Variants in ANK3 observed in about 807,000 individuals in gnomAD.
The protein encoded by ANK3 is ankyrin 3.
In ANK3, 57 loss-of-function variants were observed where a neutral mutation model predicts 370.9. The ratio of observed to expected loss-of-function variants is 0.15; its 90% CI spans 0.12 to 0.19. The LOEUF (loss-of-function observed/expected upper bound fraction) is 0.19. Among genes scored for constraint, ANK3 ranks in the 10% least tolerant of loss-of-function variants. The probability of loss-of-function intolerance (pLI) is 1.00; values close to 1 mark genes in which losing one functional copy is unlikely to be tolerated. For synonymous variants in ANK3, 1,929 were observed against 1,946.3 expected, an observed-to-expected ratio of 0.99 and a Z score of 0.23; for missense variants, 4,439 against 5,302.1, an observed-to-expected ratio of 0.84 and a Z score of 5.06.
intron 21 of ANK3, among the ~76,000 whole-genome samples, chr10:60,171,167 G>A (rs1219150713): frequency 6.6e-6 from 1 of 152,156 alleles, no homozygotes; most frequent in Non-Finnish European, 1.5e-5. Flanking sequence ...AAAGCAACAT[G>A]TGGAAATTTC....
chr10:60,325,122 G>A (rs1470383631), intron 1 of ANK3, among the ~76,000 whole-genome samples: 3 of 152,166 alleles, frequency 2.0e-5, no homozygotes, highest in Non-Finnish European at 4.4e-5. Context: ...GAATCTTAAT[G>A]ACAGCAACAA....
chr10:60,636,287 A>T (rs542505129), intron 1 of ANK3, among the ~76,000 whole-genome samples: 2 of 152,284 alleles, frequency 1.3e-5, no homozygotes, highest in Admixed American at 1.3e-4. Flanking sequence ...CTAATCGTGA[A>T]TATAGAGGCC....
intron 1 of ANK3, among the ~76,000 whole-genome samples, chr10:60,360,289 AG>A (rs1254956744): frequency 6.6e-6 from 1 of 152,240 alleles, no homozygotes. Flanking sequence ...CTTTTATTCC[AG>A]GGAGCTAAAA....
chr10:60,415,101 G>C (rs1008229039), intron 2 of ANK3, among the ~76,000 whole-genome samples: 2 of 152,104 alleles, frequency 1.3e-5, no homozygotes, highest in Admixed American at 6.6e-5. Context: ...AAACCAGATT[G>C]TATTGTCAGC....
intron 16 of ANK3, 39 bp from the exon 17 acceptor site, chr10:60,186,951 A>T: frequency 6.3e-7 from 1 of 1,591,848 alleles, no homozygotes. Flanking sequence ...CCCAGGAACA[A>T]GATAAAAATG....
At chr10:60,197,804 T>C (rs2096610920) in intron 14 of ANK3, among the ~76,000 whole-genome samples, 1 of 152,216 alleles carries the variant, frequency 6.6e-6, no homozygotes, top group South Asian at 2.1e-4. Flanking sequence ...TTTTGCATTC[T>C]GCACATGCAG....
intron 9 of ANK3, among the ~76,000 whole-genome samples, chr10:60,210,043 T>C (rs1411500498): frequency 3.3e-5 from 5 of 152,136 alleles, no homozygotes; most frequent in African/African-American, 1.2e-4. Context: ...CTCAGTAAGA[T>C]GAAATTCTTG....
At chr10:60,263,579 A>G (rs2097840598) in intron 6 of ANK3, among the ~76,000 whole-genome samples, 1 of 152,188 alleles carries the variant, frequency 6.6e-6, no homozygotes, top group South Asian at 2.1e-4. Context: ...GAAAGAAATG[A>G]TCACTGCATA....
intron 2 of ANK3, among the ~76,000 whole-genome samples, chr10:60,487,736 CAG>C (rs1000562915): frequency 1.3e-5 from 1 of 75,182 alleles, no homozygotes; most frequent in African/African-American, 4.7e-5. Context: ...TTTTTTGAGA[CAG>C]AGTCTCGCTC....
rs532339854 is a variant in ANK3, at chr10:60,713,516, C to G, written c.57+19747G>C. ...AATATATCAGAAAAAAGACAAAGAT[C>G]TAAAATCAATAATCTAATCTAAGAA... On this transcript the variant is annotated intron_variant, in intron 1 of 43. Coordinates refer to the ANK3 transcript ENST00000373827. 2.6e-5 allele frequency among the ~76,000 whole-genome samples: 4 copies of G among 152,090 alleles called. No homozygotes were observed. In the East Asian group the frequency reaches 5.8e-4, roughly 22 times the overall value.
intron 42 of ANK3, among the ~76,000 whole-genome samples, chr10:60,046,634 T>C (rs1443014458): frequency 6.6e-6 from 1 of 151,868 alleles, no homozygotes; most frequent in Non-Finnish European, 1.5e-5. Context: ...CCAAAATGAA[T>C]AGGAGGAATA....
At chr10:60,116,882 C>T (rs1481682484) in intron 25 of ANK3, among the ~76,000 whole-genome samples, 4 of 152,156 alleles carry the variant, frequency 2.6e-5, no homozygotes, top group African/African-American at 9.7e-5. Flanking sequence ...CAGTGAGTGA[C>T]CAACACTATG....
chr10:60,146,147 G>A (rs1169103298), intron 23 of ANK3: 6 of 1,340,216 alleles, frequency 4.5e-6, no homozygotes, highest in Admixed American at 2.7e-5. Context: ...AGTCTGCCAT[G>A]TAGATACGAA....
intron 7 of ANK3, among the ~76,000 whole-genome samples, chr10:60,239,821 G>C (rs1050378942): frequency 7.2e-5 from 11 of 151,926 alleles, no homozygotes; most frequent in African/African-American, 2.7e-4. Context: ...AGATGAAAAG[G>C]AGAAACTGGA....
chr10:60,579,029 C>T (rs1595310800), intron 2 of ANK3, among the ~76,000 whole-genome samples: 1 of 151,990 alleles, frequency 6.6e-6, no homozygotes, highest in East Asian at 1.9e-4. Context: ...AAAAAATGAG[C>T]TTAAAAGATT....
chr10:60,498,739 T>A (rs2075722371), intron 2 of ANK3, among the ~76,000 whole-genome samples: 2 of 152,184 alleles, frequency 1.3e-5, no homozygotes, highest in African/African-American at 4.8e-5. Flanking sequence ...CAACATTCTA[T>A]CCCATTCCAT....
At chr10:60,403,568 G>A (rs763249294) in intron 2 of ANK3, among the ~76,000 whole-genome samples, 1 of 152,084 alleles carries the variant, frequency 6.6e-6, no homozygotes, top group Non-Finnish European at 1.5e-5. Context: ...AAAAGTATTG[G>A]CCCTTTTTAA....
intron 2 of ANK3, chr10:60,508,385 G>A (rs1229553239): frequency 2.0e-5 from 3 of 152,576 alleles, no homozygotes; most frequent in East Asian, 1.9e-4. Context: ...CAAGAGAGCC[G>A]CTTTTGGAGG....
At chr10:60,430,692 T>C (rs2063998950) in intron 2 of ANK3, among the ~76,000 whole-genome samples, 1 of 152,130 alleles carries the variant, frequency 6.6e-6, no homozygotes, top group African/African-American at 2.4e-5. Context: ...ATACACACAG[T>C]CAACTTGTGG....
Sources: allele counts gnomAD v4.1 joint callset (sites outside exome capture counted in the v4.1 genomes callset), GRCh38; gene constraint gnomAD v4.1.1; transcripts MANE v1.5; gene names NCBI Gene and HGNC (gene_info 2026-07-23, HGNC 2026-07-21).